Variants in RAD23A observed in about 807,000 individuals in gnomAD.
RAD23A encodes RAD23 nucleotide excision repair protein A.
Under a neutral mutation model 44.8 loss-of-function variants are expected in RAD23A, and 16 were observed. The ratio of observed to expected loss-of-function variants is 0.36; its 90% CI spans 0.24 to 0.54. The LOEUF is 0.54. Ranked by LOEUF, RAD23A falls within the 20% of genes least tolerant of loss-of-function variation. RAD23A has a pLI of 0.89. For missense variants in RAD23A, 380 were observed against 483.3 expected, an observed-to-expected ratio of 0.79 and a Z score of 2.00; for synonymous variants, 217 against 202.9, an observed-to-expected ratio of 1.07 and a Z score of -0.59.
Position 12,948,861 on chromosome 19 carries a change from G to T in RAD23A, c.600+48G>T. ...CGGGGAGGCCTTGAGGGAGTACCCG[G>T]GCGTCACTGCCCTGATGGGCGGTTG... On this transcript the variant is annotated intron_variant, in intron 5 of 8. Coordinates refer to ENST00000586534, the MANE Select transcript of RAD23A (RefSeq NM_005053.4). This position sits in a 1 kb window ranked among gnomAD's most constrained non-coding sequence, Gnocchi z 5.5. 1 of 1,567,958 alleles carries T rather than the reference G, an allele frequency of 6.4e-7. No homozygotes were observed. Among genetic ancestry groups the T allele is most frequent in the South Asian group, 1.2e-5 (1 of 84,772 alleles).
rs758730643 is a variant in RAD23A, at chr19:12,948,019, G to A, written c.234+10G>A. 47 of 1,612,618 alleles carry A rather than the reference G, an allele frequency of 2.9e-5. No homozygotes were observed. Among genetic ancestry groups the A allele is most frequent in the African/African-American group, 4.0e-5 (3 of 74,898 alleles). ...CGTCATGGTGACCAAGGTGGGTGACGTGTGCTGGCTGGGAGGGTGGGTGGA... is the reference window on the plus strand; with the variant it reads ...CGTCATGGTGACCAAGGTGGGTGACATGTGCTGGCTGGGAGGGTGGGTGGA... On this transcript the variant is annotated intron_variant, in intron 2 of 8. Transcript: ENST00000586534. The surrounding 1 kb of genome is among the most constrained non-coding windows in gnomAD (Gnocchi z 5.5).
Position 12,947,910 on chromosome 19 carries a change from A to T in RAD23A, c.135A>T (p.Gly45=). The T allele has an allele frequency of 6.2e-7, 1 of 1,614,052 alleles. No homozygotes were observed. Among genetic ancestry groups the T allele is most frequent in the Non-Finnish European group, 8.5e-7 (1 of 1,180,022 alleles). The change falls in exon 2 of 9, where the codon GGA becomes GGT. Residue 45 remains glycine (G), a synonymous_variant. Transcript: ENST00000586534. The part of the protein sequence containing the change: ...EKGRDAFPVA[G]QKLIYAGKIL... ...GTCGTGATGCCTTCCCCGTGGCTGG[A>T]CAGAAACTCATCTATGCCGGCAAGA...
intron 7 of RAD23A, among the ~76,000 whole-genome samples, chr19:12,950,645 C>T (rs1599669710): frequency 6.6e-6 from 1 of 152,192 alleles, no homozygotes; most frequent in Non-Finnish European, 1.5e-5. Flanking sequence ...TAATGATCTG[C>T]CCGCCTTGGC....
At position 12,953,406 on chromosome 19, in the gene RAD23A, C is replaced by A. The variant is rs41558417; in HGVS notation, c.*357C>A. On this transcript the variant is annotated 3_prime_UTR_variant, in exon 9 of 9. Coordinates refer to ENST00000586534, the MANE Select transcript of RAD23A (RefSeq NM_005053.4). Reference sequence around the variant, plus strand: ...TCCGAAAAACCCCTGAGGACCCCCCCCCATCCTCTTCTAGGATGAGGGGAA... The same window carrying A: ...TCCGAAAAACCCCTGAGGACCCCCCACCATCCTCTTCTAGGATGAGGGGAA... 128 of 166,456 alleles carry A rather than the reference C, an allele frequency of 7.7e-4. No individual in the cohort carries two copies. The highest frequency in any genetic ancestry group is 1.4e-3 in the Non-Finnish European group (110 of 77,928). 10.3% of individuals were successfully genotyped at this position (166,456 alleles called of 1,614,324 possible). A position where few individuals can be genotyped will look rare whatever the true frequency, so the allele number is the denominator to read the frequency against.
chr19:12,948,470 T>C lies in RAD23A; in HGVS notation c.417-27T>C. 1 of 1,561,244 alleles carries C rather than the reference T, an allele frequency of 6.4e-7. No homozygotes were observed. Among genetic ancestry groups the C allele is most frequent in the Non-Finnish European group, 8.7e-7 (1 of 1,154,180 alleles). On this transcript the variant is annotated intron_variant, in intron 3 of 8. Coordinates refer to ENST00000586534, the MANE Select transcript of RAD23A (RefSeq NM_005053.4). The surrounding 1 kb of genome is among the most constrained non-coding windows in gnomAD (Gnocchi z 5.5). ...GAGGGCAAGCCGCCAGAAGCCAGGG[T>C]CCGATTTCTCTCTCTTGAATTTGCA...
chr19:12,946,136 C>G, intron 1 of RAD23A, 116 bp downstream of exon 1: 1 of 1,002,332 alleles, frequency 1.0e-6, no homozygotes, highest in Non-Finnish European at 1.4e-6. Context: ...GTCGGCCCTG[C>G]CCAGACCCCC....
At chr19:12,946,432 GACA>G (rs1161835640) in intron 1 of RAD23A, among the ~76,000 whole-genome samples, 1 of 152,198 alleles carries the variant, frequency 6.6e-6, no homozygotes, top group Non-Finnish European at 1.5e-5. Context: ...GAGTAGTGAC[GACA>G]ACAACGATGT....
intron 1 of RAD23A, 64 bp downstream of exon 1, chr19:12,946,084 G>GGGGGGGGCGGGCC: frequency 2.0e-6 from 1 of 512,146 alleles, no homozygotes; most frequent in Non-Finnish European, 3.7e-6. Context: ...TGGGGGCGGG[G>GGGGGGGGCGGGCC]AGGCTAGAAT....
chr19:12,949,115 C>G lies in RAD23A; in HGVS notation c.635C>G (p.Ser212Cys). The change falls in exon 6 of 9, where the codon TCT becomes TGT. Residue 212 changes from serine (S) to cysteine (C), a missense_variant. This residue lies in a region of RAD23A where 279 missense variants were observed against 313.7 expected (regional missense o/e 0.89). Transcript: ENST00000586534. ...GGGAGCCCCGAGCCGGAACACGGTTCTGTCCAGGAGAGCCAGGTATCGGAG... is the reference window on the plus strand; with the variant it reads ...GGGAGCCCCGAGCCGGAACACGGTTGTGTCCAGGAGAGCCAGGTATCGGAG... The part of the protein sequence containing the change: ...IPGSPEPEHG[S>C]VQESQVSEQP... The G allele has an allele frequency of 6.2e-7, 1 of 1,613,862 alleles. No homozygotes were observed. Among genetic ancestry groups the G allele is most frequent in the Non-Finnish European group, 8.5e-7 (1 of 1,179,900 alleles).
chr19:12,947,459 A>C (rs1267975925), intron 1 of RAD23A, among the ~76,000 whole-genome samples: 1 of 152,194 alleles, frequency 6.6e-6, no homozygotes, highest in Non-Finnish European at 1.5e-5. Flanking sequence ...ACTATTAGTC[A>C]CTTATTGTCC....
Position 12,948,184 on chromosome 19 carries a change from C to G in RAD23A, c.242C>G (p.Ala81Gly). The G allele has an allele frequency of 6.2e-7, 1 of 1,614,090 alleles. No individual in the cohort carries two copies. Among genetic ancestry groups the G allele is most frequent in the Admixed American group, 1.7e-5 (1 of 60,008 alleles). Residue 81 changes from alanine (A) to glycine (G), a missense_variant, in exon 3 of 9, where the codon GCC becomes GGC. Ala to Gly is a moderately conservative substitution (Grantham distance 60). Transcript: ENST00000586534. This position sits in a 1 kb window ranked among gnomAD's most constrained non-coding sequence, Gnocchi z 5.5. Reference sequence around the variant, plus strand: ...TTTTTCTTGCTGTTGCAGACCAAAGCCGGCCAGGGTACCTCAGCACCCCCA... The same window carrying G: ...TTTTTCTTGCTGTTGCAGACCAAAGGCGGCCAGGGTACCTCAGCACCCCCA... ...FVVVMVTKTK[A>G]GQGTSAPPEA...
Position 12,952,778 on chromosome 19 carries a change from G to T in RAD23A, c.903G>T (p.Val301=), listed in dbSNP as rs1333747769. Residue 301 remains valine (V), a synonymous_variant, in exon 8 of 9, where the codon GTG becomes GTT. Transcript: ENST00000586534. ...ACATCTCAGATGTGGAGGGGGAGGT[G>T]GGCGCCATAGGAGAGGAGGCCCCGC... ...LADISDVEGE[V]GAIGEEAPQM... is the part of the protein sequence containing the mutation. 22 of 1,613,318 alleles carry T rather than the reference G, an allele frequency of 1.4e-5. No individual in the cohort carries two copies. Among genetic ancestry groups the T allele is most frequent in the Non-Finnish European group, 1.8e-5 (21 of 1,179,760 alleles).
Position 12,949,209 on chromosome 19 carries a change from C to T in RAD23A, c.679+50C>T, listed in dbSNP as rs762447284. 4.3e-6 allele frequency: 7 copies of T among 1,613,954 alleles called. No individual in the cohort carries two copies. The African/African-American group carries it at 6.7e-5, about 15-fold the overall frequency. On this transcript the variant is annotated intron_variant, in intron 6 of 8. Coordinates refer to ENST00000586534, the MANE Select transcript of RAD23A (RefSeq NM_005053.4). ...CCCTCCAGGTACCTGACTCACATTACACTCCACCCCGCAGTGCTCCTAGGA... is the reference window on the plus strand; with the variant it reads ...CCCTCCAGGTACCTGACTCACATTATACTCCACCCCGCAGTGCTCCTAGGA...
Position 12,948,480 on chromosome 19 carries a change from C to G in RAD23A, c.417-17C>G, listed in dbSNP as rs949343920. On this transcript the variant is annotated splice_polypyrimidine_tract_variant and intron_variant, in intron 3 of 8. Coordinates refer to ENST00000586534, the MANE Select transcript of RAD23A (RefSeq NM_005053.4). This position sits in a 1 kb window ranked among gnomAD's most constrained non-coding sequence, Gnocchi z 5.5. The stretch of plus-strand genomic sequence containing the variant: ...CGCCAGAAGCCAGGGTCCGATTTCT[C>G]TCTCTTGAATTTGCAGCTCTGTTCC... 1 of 1,572,276 alleles carries G rather than the reference C, an allele frequency of 6.4e-7. No homozygotes were observed. The highest frequency in any genetic ancestry group is 2.2e-5 in the East Asian group (1 of 44,544).
chr19:12,947,852 A>G lies in RAD23A; in HGVS notation c.77A>G (p.Lys26Arg), dbSNP rs1261308140. Residue 26 changes from lysine (K) to arginine (R), a missense_variant, in exon 2 of 9, where the codon AAG becomes AGG. Around this residue, in one of 3 missense-constraint regions of RAD23A, gnomAD observed 70 missense variants for 106.0 expected, o/e 0.66. Transcript: ENST00000586534. ...KIRMEPDETV[K>R]VLKEKIEAEK... ...TGTCTGTACCACTCCCTCTAGGTGA[A>G]GGTGCTAAAGGAGAAGATAGAAGCT... The G allele has an allele frequency of 6.2e-7, 1 of 1,613,532 alleles. No individual in the cohort carries two copies. The highest frequency in any genetic ancestry group is 8.5e-7 in the Non-Finnish European group (1 of 1,179,946).
In RAD23A at chr19:12,949,401, T is replaced by A. The variant is rs1462311750; in HGVS notation, c.806T>A (p.Leu269His). Residue 269 changes from leucine (L) to histidine (H), a missense_variant, in exon 7 of 9, where the codon CTT (leucine) becomes CAT (histidine). Leu to His is a moderately conservative substitution (Grantham distance 99). Coordinates refer to ENST00000586534, the MANE Select transcript of RAD23A (RefSeq NM_005053.4). ...LQQLGQENPQ[L>H]LQQISRHQEQ... ...CAGCTGGGCCAGGAGAACCCTCAGC[T>A]TTTACAGGTGTGGTCCCAAGGGCAG... The A allele has an allele frequency of 6.2e-7, 1 of 1,613,334 alleles. No individual in the cohort carries two copies. Among genetic ancestry groups the A allele is most frequent in the Non-Finnish European group, 8.5e-7 (1 of 1,179,378 alleles).
At chr19:12,951,538 C>G (rs992296669) in intron 7 of RAD23A, among the ~76,000 whole-genome samples, 1 of 152,082 alleles carries the variant, frequency 6.6e-6, no homozygotes, top group African/African-American at 2.4e-5. Context: ...CCTCCGCCTC[C>G]TGGGTTCAAG....
chr19:12,948,486 T>C lies in RAD23A; in HGVS notation c.417-11T>C, dbSNP rs926500304. The C allele has an allele frequency of 2.5e-6, 4 of 1,577,468 alleles. No individual in the cohort carries two copies. Among genetic ancestry groups the C allele is most frequent in the Non-Finnish European group, 3.4e-6 (4 of 1,162,354 alleles). ...AAGCCAGGGTCCGATTTCTCTCTCTTGAATTTGCAGCTCTGTTCCCTCTTC... is the reference window on the plus strand; with the variant it reads ...AAGCCAGGGTCCGATTTCTCTCTCTCGAATTTGCAGCTCTGTTCCCTCTTC... On this transcript the variant is annotated splice_polypyrimidine_tract_variant and intron_variant, in intron 3 of 8. Transcript: ENST00000586534. This position sits in a 1 kb window ranked among gnomAD's most constrained non-coding sequence, Gnocchi z 5.5.
intron 7 of RAD23A, 79 bp downstream of exon 7, chr19:12,949,487 G>A (rs894855217): frequency 1.3e-4 from 208 of 1,560,146 alleles, no homozygotes; most frequent in Non-Finnish European, 1.7e-4. Flanking sequence ...TAACACGTAG[G>A]AATCGTTCTA....
Sources: allele counts gnomAD v4.1 joint callset (sites outside exome capture counted in the v4.1 genomes callset), GRCh38; gene constraint gnomAD v4.1.1; regional missense constraint gnomAD v4.1.1; non-coding constraint Gnocchi (gnomAD v3.1); transcripts MANE v1.5; gene names NCBI Gene and HGNC (gene_info 2026-07-23, HGNC 2026-07-21).